The following MTCL2 variants were observed in gnomAD, a reference collection of about 807,000 sequenced individuals.
MTCL2 encodes microtubule crosslinking factor 2.
chr20:36,797,158 CTCCAAGAGTGACCCA>C, the MTCL2 span, among the ~76,000 whole-genome samples: 1 of 152,120 alleles, frequency 6.6e-6, no homozygotes, highest in Non-Finnish European at 1.5e-5. Flanking sequence ...CCAATCAGAG[CTCCAAGAGTGACCCA>C]CCCAAGGAAA....
the MTCL2 span, among the ~76,000 whole-genome samples, chr20:36,852,460 G>A: frequency 6.6e-6 from 1 of 152,256 alleles, no homozygotes; most frequent in Non-Finnish European, 1.5e-5. Context: ...CAAGGCTCCA[G>A]ATGAGATCAT....
chr20:36,788,395 T>C, the MTCL2 span, among the ~76,000 whole-genome samples: 1 of 152,046 alleles, frequency 6.6e-6, no homozygotes, highest in Non-Finnish European at 1.5e-5. Context: ...CTCATGCCTG[T>C]AATCCCAGCA....
At chr20:36,819,001 G>C in the MTCL2 span, among the ~76,000 whole-genome samples, 2 of 152,162 alleles carry the variant, frequency 1.3e-5, no homozygotes, top group African/African-American at 4.8e-5. Context: ...CTGAGATACC[G>C]TTTCTCACCT....
chr20:36,824,943 C>CT, the MTCL2 span, among the ~76,000 whole-genome samples: 17,712 of 141,512 alleles, frequency 0.13, 1,384 homozygotes, highest in East Asian at 0.36. Context: ...GAATTGTACA[C>CT]TTTTTTTTTT....
chr20:36,863,083 C>A, the MTCL2 span: 5 of 1,393,736 alleles, frequency 3.6e-6, no homozygotes, highest in Admixed American at 2.7e-5. This position sits in a 1 kb window ranked among gnomAD's most constrained non-coding sequence, Gnocchi z 6.2. Flanking sequence ...ACCCCGGCCA[C>A]CCGCACACCC....
the MTCL2 span, chr20:36,806,078 C>T: frequency 1.2e-5 from 8 of 688,234 alleles, no homozygotes; most frequent in Middle Eastern, 1.1e-3. Context: ...TAGCCTCCCA[C>T]GACATCTATT....
chr20:36,792,603 G>A, the MTCL2 span, among the ~76,000 whole-genome samples: 1 of 152,040 alleles, frequency 6.6e-6, no homozygotes, highest in Admixed American at 6.6e-5. Context: ...ACCACTGGGT[G>A]GCAGGAGAGC....
At chr20:36,808,540 C>T in the MTCL2 span, 1 of 1,604,676 alleles carries the variant, frequency 6.2e-7, no homozygotes, top group Non-Finnish European at 8.5e-7. Context: ...CTTCGCTGGG[C>T]AAAACCTTGC....
chr20:36,844,972 C>T, the MTCL2 span, among the ~76,000 whole-genome samples: 1 of 145,638 alleles, frequency 6.9e-6, no homozygotes, highest in South Asian at 2.1e-4. Flanking sequence ...GATCACACCA[C>T]TGCACTCCAC....
the MTCL2 span, among the ~76,000 whole-genome samples, chr20:36,805,164 C>G: frequency 2.0e-5 from 3 of 152,204 alleles, no homozygotes; most frequent in East Asian, 5.8e-4. Context: ...TAACTCTGAG[C>G]TGAATCATCT....
chr20:36,862,649 C>G, the MTCL2 span: 7 of 1,491,608 alleles, frequency 4.7e-6, no homozygotes, highest in Non-Finnish European at 5.3e-6. Flanking sequence ...TCTACCCGGG[C>G]GCCCCCACCT....
chr20:36,816,085 C>T, the MTCL2 span: 5 of 1,613,656 alleles, frequency 3.1e-6, no homozygotes, highest in South Asian at 3.3e-5. Context: ...TCCTCCTCCA[C>T]CAGCTTCAGG....
the MTCL2 span, among the ~76,000 whole-genome samples, chr20:36,822,223 G>C: frequency 6.6e-6 from 1 of 152,272 alleles, no homozygotes. Flanking sequence ...GCCAGGGCCT[G>C]TCAGAGCCCC....
At chr20:36,804,841 A>G in the MTCL2 span, 1 of 1,613,986 alleles carries the variant, frequency 6.2e-7, no homozygotes, top group Non-Finnish European at 8.5e-7. Context: ...ATCCCGGAGC[A>G]GCCAGCACAG....
At chr20:36,849,078 T>TTTTTTTTTTTTTTTTTTTG in the MTCL2 span, among the ~76,000 whole-genome samples, 1 of 143,280 alleles carries the variant, frequency 7.0e-6, no homozygotes. Flanking sequence ...TTTTTTTTTT[T>TTTTTTTTTTTTTTTTTTTG]GTGACGGAGT....
chr20:36,820,489 G>C, the MTCL2 span, among the ~76,000 whole-genome samples: 5 of 152,162 alleles, frequency 3.3e-5, no homozygotes, highest in Non-Finnish European at 5.9e-5. Context: ...ACCAACTTTA[G>C]AATGGATTAA....
the MTCL2 span, chr20:36,797,438 C>T: frequency 6.6e-7 from 1 of 1,518,270 alleles, no homozygotes; most frequent in East Asian, 2.5e-5. Flanking sequence ...ATGTCCCCCA[C>T]AAGCAGGGAC....
At chr20:36,788,200 CAAAAAAA>C in the MTCL2 span, among the ~76,000 whole-genome samples, 2 of 76,680 alleles carry the variant, frequency 2.6e-5, no homozygotes, top group Non-Finnish European at 4.7e-5. Context: ...GACTCCATCT[CAAAAAAA>C]AAAAAAAAAA....
chr20:36,839,415 C>T, the MTCL2 span: 1 of 1,613,400 alleles, frequency 6.2e-7, no homozygotes, highest in East Asian at 2.2e-5. The surrounding 1 kb of genome is among the most constrained non-coding windows in gnomAD (Gnocchi z 5.1). Flanking sequence ...TCTCCAGCAT[C>T]TCGGCCCGCA....
Sources: gnomAD v4.1 joint callset for allele counts (sites outside exome capture counted in the v4.1 genomes callset) on GRCh38, gnomAD v4.1.1 for gene constraint, Gnocchi (gnomAD v3.1) non-coding constraint, MANE v1.5 for transcripts, NCBI Gene and HGNC (gene_info 2026-07-23, HGNC 2026-07-21) for gene names.